The following EXOC6B variants were observed in gnomAD, a reference collection of about 807,000 sequenced individuals.
The protein encoded by EXOC6B is SEC15 homolog B.
A neutral mutation model predicts 113.5 loss-of-function variants in EXOC6B; 54 were observed. The ratio of observed to expected loss-of-function variants is 0.48; its 90% CI spans 0.38 to 0.60. The LOEUF (loss-of-function observed/expected upper bound fraction) is 0.60, where lower values mean the gene tolerates loss of function less well. Ranked by LOEUF, EXOC6B falls within the 20% of genes least tolerant of loss-of-function variation. The pLI is 0.00. For synonymous variants in EXOC6B, 357 were observed against 339.0 expected, an observed-to-expected ratio of 1.05 and a Z score of -0.58; for missense variants, 797 against 977.5, an observed-to-expected ratio of 0.82 and a Z score of 2.46.
intron 20 of EXOC6B, among the ~76,000 whole-genome samples, chr2:72,288,498 A>C (rs1685578864): frequency 6.6e-6 from 1 of 152,182 alleles, no homozygotes; most frequent in East Asian, 1.9e-4. Context: ...TGTCATAGTC[A>C]TATAATATAA....
chr2:72,252,404 T>G (rs1683077864), intron 20 of EXOC6B, among the ~76,000 whole-genome samples: 2 of 152,250 alleles, frequency 1.3e-5, no homozygotes, highest in South Asian at 4.1e-4. Context: ...AGAACAATGT[T>G]GCAAGGCAAT....
intron 6 of EXOC6B, among the ~76,000 whole-genome samples, chr2:72,598,709 G>A (rs1670220770): frequency 1.3e-5 from 2 of 151,900 alleles, no homozygotes; most frequent in Admixed American, 1.3e-4. Flanking sequence ...ACAAACATAA[G>A]TGAGACTATC....
chr2:72,733,363 T>G (rs1258387214), intron 2 of EXOC6B, among the ~76,000 whole-genome samples: 1 of 152,114 alleles, frequency 6.6e-6, no homozygotes, highest in African/African-American at 2.4e-5. Context: ...AGTTCTAAAC[T>G]AAGCTACCAT....
chr2:72,592,012 A>G (rs1706000007), intron 6 of EXOC6B, among the ~76,000 whole-genome samples: 1 of 151,996 alleles, frequency 6.6e-6, no homozygotes, highest in African/African-American at 2.4e-5. Flanking sequence ...GTTTTAAAAA[A>G]GATATTTATA....
chr2:72,471,063 A>C (rs1266442029), intron 17 of EXOC6B, among the ~76,000 whole-genome samples: 2 of 152,114 alleles, frequency 1.3e-5, no homozygotes, highest in Non-Finnish European at 2.9e-5. Context: ...CAATGGTTGA[A>C]CTAGTTTACA....
At chr2:72,809,587 T>C (rs1685763453) in intron 1 of EXOC6B, among the ~76,000 whole-genome samples, 1 of 148,834 alleles carries the variant, frequency 6.7e-6, no homozygotes, top group South Asian at 2.2e-4. Context: ...ATCAATAAAA[T>C]TTAAAACAAA....
At chr2:72,264,011 T>C (rs1020507822) in intron 20 of EXOC6B, among the ~76,000 whole-genome samples, 2 of 152,200 alleles carry the variant, frequency 1.3e-5, no homozygotes, top group Non-Finnish European at 2.9e-5. Context: ...GATGTTTCAA[T>C]GGCATAGGAC....
At chr2:72,621,108 TTAAAG>T (rs1164031613) in intron 6 of EXOC6B, among the ~76,000 whole-genome samples, 2 of 152,110 alleles carry the variant, frequency 1.3e-5, no homozygotes, top group African/African-American at 2.4e-5. Context: ...CTCAAATAAC[TTAAAG>T]TAGAGTTACC....
At chr2:72,555,466 T>C (rs2103656571) in intron 8 of EXOC6B, among the ~76,000 whole-genome samples, 1 of 152,352 alleles carries the variant, frequency 6.6e-6, no homozygotes, top group Non-Finnish European at 1.5e-5. Context: ...TGTGAGATGG[T>C]ATCTCATTGT....
intron 1 of EXOC6B, among the ~76,000 whole-genome samples, chr2:72,821,438 T>C (rs1039415738): frequency 6.6e-6 from 1 of 151,956 alleles, no homozygotes; most frequent in African/African-American, 2.4e-5. Flanking sequence ...AAACATAGAG[T>C]TACCTTACAG....
At chr2:72,497,138 T>C (rs1700080048) in intron 13 of EXOC6B, among the ~76,000 whole-genome samples, 1 of 151,698 alleles carries the variant, frequency 6.6e-6, no homozygotes, top group African/African-American at 2.4e-5. Context: ...CACATCGGGC[T>C]AATTTTTAAT....
At chr2:72,764,841 C>T (rs576710205) in intron 1 of EXOC6B, among the ~76,000 whole-genome samples, 2 of 152,284 alleles carry the variant, frequency 1.3e-5, no homozygotes, top group East Asian at 3.9e-4. Flanking sequence ...TTTAACTATA[C>T]AAATATTCTT....
At chr2:72,431,092 G>A (rs1009417683) in intron 18 of EXOC6B, among the ~76,000 whole-genome samples, 28 of 152,196 alleles carry the variant, frequency 1.8e-4, no homozygotes, top group African/African-American at 6.8e-4. Flanking sequence ...TAAAAGATCA[G>A]AGAGCTCACT....
chr2:72,260,963 A>G (rs1322303587), intron 20 of EXOC6B, among the ~76,000 whole-genome samples: 1 of 152,222 alleles, frequency 6.6e-6, no homozygotes, highest in Admixed American at 6.5e-5. Context: ...CATCTGTGAT[A>G]TCATGACCTC....
chr2:72,311,456 G>A (rs1449030953), intron 20 of EXOC6B, among the ~76,000 whole-genome samples: 1 of 151,970 alleles, frequency 6.6e-6, no homozygotes, highest in Non-Finnish European at 1.5e-5. Flanking sequence ...AGCAGGGTAG[G>A]TGGAGTTCCT....
chr2:72,512,134 G>T (rs534139455), intron 11 of EXOC6B, among the ~76,000 whole-genome samples: 59 of 152,104 alleles, frequency 3.9e-4, no homozygotes, highest in African/African-American at 1.4e-3. Context: ...CAAACACCCT[G>T]TTTCCTAATC....
intron 3 of EXOC6B, among the ~76,000 whole-genome samples, chr2:72,732,035 A>G (rs1428254880): frequency 6.6e-6 from 1 of 152,222 alleles, no homozygotes; most frequent in African/African-American, 2.4e-5. Flanking sequence ...CAGTGATAAT[A>G]CCTGTCCTGA....
intron 19 of EXOC6B, among the ~76,000 whole-genome samples, chr2:72,353,616 C>T (rs1241609839): frequency 2.0e-5 from 3 of 151,834 alleles, no homozygotes; most frequent in Admixed American, 1.3e-4. Context: ...TCAAGTGATC[C>T]GACCGCCTCA....
intron 8 of EXOC6B, among the ~76,000 whole-genome samples, chr2:72,547,922 A>G (rs1702997335): frequency 6.6e-6 from 1 of 152,192 alleles, no homozygotes; most frequent in Non-Finnish European, 1.5e-5. Flanking sequence ...ATTACTATAA[A>G]ATGATATTTT....
Sources: allele counts gnomAD v4.1 joint callset (sites outside exome capture counted in the v4.1 genomes callset), GRCh38; gene constraint gnomAD v4.1.1; transcripts MANE v1.5; gene names NCBI Gene and HGNC (gene_info 2026-07-23, HGNC 2026-07-21).